Variants in FRMD4B observed in about 807,000 individuals in gnomAD.
The protein encoded by FRMD4B is FERM domain containing 4B.
A neutral mutation model predicts 141.5 loss-of-function variants in FRMD4B; 74 were observed. The ratio of observed to expected loss-of-function variants is 0.52; its 90% confidence interval spans 0.43 to 0.63. FRMD4B has a LOEUF of 0.63. FRMD4B is among the 30% of genes least tolerant of loss of function. The pLI, the probability that FRMD4B is intolerant of heterozygous loss-of-function variation, is 0.00. For synonymous variants in FRMD4B, 506 were observed against 467.9 expected (o/e 1.08, Z -1.05); for missense variants, 1,366 against 1,253.4 (o/e 1.09, Z -1.36).
chr3:69,256,751 CA>C (rs1200000084), intron 5 of FRMD4B, among the ~76,000 whole-genome samples: 1 of 152,130 alleles, frequency 6.6e-6, no homozygotes, highest in Non-Finnish European at 1.5e-5. Flanking sequence ...GCCTATTTTC[CA>C]GGAGTTACTC....
rs1354485951 is a variant in FRMD4B, at chr3:69,216,355, A to G, written c.790-6T>C. The G allele has an allele frequency of 3.4e-6, 5 of 1,479,366 alleles. No homozygotes were observed. The highest frequency in any genetic ancestry group is 1.9e-5 in the Admixed American group (1 of 53,502). The allele number at this position is 1,479,366 out of a possible 1,614,324, so 91.6% of individuals were successfully genotyped here. On this transcript the variant is annotated splice_polypyrimidine_tract_variant and splice_region_variant and intron_variant, in intron 10 of 22. Transcript: ENST00000398540. ...CAAGGAAGTCCTTGCTTATCCTAGA[A>G]GATGAAAAAGCATGAGAACCAAGAC... is the stretch of plus-strand genomic sequence containing the variant.
intron 1 of FRMD4B, among the ~76,000 whole-genome samples, chr3:69,466,678 C>A (rs535002274): frequency 5.3e-5 from 8 of 152,212 alleles, no homozygotes; most frequent in Non-Finnish European, 1.2e-4. Flanking sequence ...TTAAAACCAA[C>A]AAACAGAAAA....
chr3:69,341,790 C>T (rs866977506), intron 1 of FRMD4B, among the ~76,000 whole-genome samples: 5 of 152,198 alleles, frequency 3.3e-5, no homozygotes, highest in Admixed American at 6.5e-5. Flanking sequence ...GGCAAGCTTG[C>T]CTTTTTGCCT....
intron 5 of FRMD4B, among the ~76,000 whole-genome samples, chr3:69,251,126 G>A (rs143946074): frequency 9.9e-4 from 150 of 152,206 alleles, no homozygotes; most frequent in African/African-American, 3.4e-3. Flanking sequence ...TAGTGGTAAC[G>A]TTAGCTTGTA....
At chr3:69,529,219 G>C (rs967110184) in intron 1 of FRMD4B, among the ~76,000 whole-genome samples, 1 of 152,196 alleles carries the variant, frequency 6.6e-6, no homozygotes, top group African/African-American at 2.4e-5. Context: ...TGTTGCTAGA[G>C]CTTCTGAATT....
At chr3:69,271,464 C>A (rs943877510) in intron 5 of FRMD4B, among the ~76,000 whole-genome samples, 10 of 152,078 alleles carry the variant, frequency 6.6e-5, no homozygotes, top group Admixed American at 2.0e-4. Flanking sequence ...AAGATCACAG[C>A]ACGATGAAAA....
At chr3:69,281,734 G>A (rs1167817185) in intron 5 of FRMD4B, among the ~76,000 whole-genome samples, 2 of 151,212 alleles carry the variant, frequency 1.3e-5, no homozygotes, top group African/African-American at 4.9e-5. Context: ...TAAAGCAGGA[G>A]AATCGCTTGA....
intron 16 of FRMD4B, 52 bp from the exon 17 acceptor site, chr3:69,193,925 T>G: frequency 9.2e-7 from 1 of 1,092,784 alleles, no homozygotes; most frequent in Non-Finnish European, 1.4e-6. Context: ...CAATCAACTC[T>G]TACATGCATT....
rs766365363 is a variant in FRMD4B, at chr3:69,175,489, T to C, written c.2984+1035A>G. Among the ~76,000 whole-genome samples, 5 of 152,250 alleles carry C rather than the reference T, an allele frequency of 3.3e-5. No homozygotes were observed. In the South Asian group the frequency reaches 1.0e-3, roughly 32 times the overall value. On this transcript the variant is annotated intron_variant, in intron 22 of 22. Transcript: ENST00000398540. ...TACAGACAAACAGGACAGCTGGCTG[T>C]GTCTGTTGCTTCATAACAAACATAG...
chr3:69,183,473 A>ATTT (rs2092730435), intron 19 of FRMD4B, among the ~76,000 whole-genome samples: 2 of 137,816 alleles, frequency 1.5e-5, no homozygotes, highest in East Asian at 2.5e-4. Flanking sequence ...ATTAGAAGTT[A>ATTT]ATTTTTTTTT....
chr3:69,489,429 T>G (rs1706269619), intron 1 of FRMD4B, among the ~76,000 whole-genome samples: 1 of 152,010 alleles, frequency 6.6e-6, no homozygotes, highest in African/African-American at 2.4e-5. Flanking sequence ...GGCAAAGGAT[T>G]TGAATAGGCA....
intron 5 of FRMD4B, among the ~76,000 whole-genome samples, chr3:69,282,821 GA>G (rs2093650277): frequency 6.6e-6 from 1 of 151,852 alleles, no homozygotes; most frequent in Non-Finnish European, 1.5e-5. Context: ...TATTTTTGTA[GA>G]AACAGGGTTT....
intron 5 of FRMD4B, among the ~76,000 whole-genome samples, chr3:69,274,314 T>C (rs561239072): frequency 2.8e-4 from 42 of 152,206 alleles, no homozygotes; most frequent in African/African-American, 9.9e-4. Flanking sequence ...ACTTTAAAGT[T>C]GATGAAACAA....
intron 1 of FRMD4B, among the ~76,000 whole-genome samples, chr3:69,355,813 T>G (rs1343067418): frequency 6.6e-6 from 1 of 152,040 alleles, no homozygotes; most frequent in Non-Finnish European, 1.5e-5. Flanking sequence ...TCACCTGAGG[T>G]AAGGGGTTTG....
At chr3:69,337,665 T>C (rs1327938685) in intron 1 of FRMD4B, among the ~76,000 whole-genome samples, 1 of 152,148 alleles carries the variant, frequency 6.6e-6, no homozygotes, top group Non-Finnish European at 1.5e-5. Context: ...CAGACACTTC[T>C]CAAAAGAAGT....
chr3:69,511,399 T>A (rs1706684799), intron 1 of FRMD4B, among the ~76,000 whole-genome samples: 1 of 152,130 alleles, frequency 6.6e-6, no homozygotes, highest in Admixed American at 6.5e-5. Context: ...ACACACATAG[T>A]CCCTGCCTAC....
intron 1 of FRMD4B, among the ~76,000 whole-genome samples, chr3:69,503,011 C>T (rs1363568363): frequency 2.0e-5 from 3 of 152,026 alleles, no homozygotes; most frequent in African/African-American, 7.2e-5. Flanking sequence ...GTTAGAATAG[C>T]GATCATTAAA....
chr3:69,322,442 CTTTTTT>C (rs1702029074), intron 1 of FRMD4B, among the ~76,000 whole-genome samples: 1 of 152,148 alleles, frequency 6.6e-6, no homozygotes, highest in South Asian at 2.1e-4. Context: ...CTGGAGACTT[CTTTTTT>C]AAGTGTCAAT....
At chr3:69,400,955 TTAACTACA>T (rs1419773859) in intron 2 of FRMD4B, among the ~76,000 whole-genome samples, 3 of 152,236 alleles carry the variant, frequency 2.0e-5, no homozygotes, top group African/African-American at 7.2e-5. Flanking sequence ...TGTTAACTGA[TTAACTACA>T]GGAGTACAGA....
Sources: allele counts gnomAD v4.1 joint callset (sites outside exome capture counted in the v4.1 genomes callset), GRCh38; gene constraint gnomAD v4.1.1; transcripts MANE v1.5; gene names NCBI Gene and HGNC (gene_info 2026-07-23, HGNC 2026-07-21).